GARIN2: variants seen among roughly 807,000 people sequenced by gnomAD.
The protein encoded by GARIN2 is Golgi-associated RAB2 interactor protein 2.
chr14:67,193,000 A>G, the GARIN2 span, among the ~76,000 whole-genome samples: 3 of 145,792 alleles, frequency 2.1e-5, no homozygotes, highest in Non-Finnish European at 3.0e-5. Context: ...ATATATCTCT[A>G]TATATCAATA....
the GARIN2 span, among the ~76,000 whole-genome samples, chr14:67,203,899 A>G: frequency 1.3e-5 from 2 of 152,168 alleles, no homozygotes; most frequent in Non-Finnish European, 2.9e-5. Context: ...TTCAGTAGAG[A>G]CAGAGTTTCA....
chr14:67,213,251 T>G, the GARIN2 span, among the ~76,000 whole-genome samples: 1 of 150,498 alleles, frequency 6.6e-6, no homozygotes, highest in African/African-American at 2.4e-5. Flanking sequence ...GCCATGCTGG[T>G]GTGCTGCACC....
the GARIN2 span, chr14:67,199,551 G>A: frequency 6.2e-7 from 1 of 1,605,564 alleles, no homozygotes; most frequent in African/African-American, 1.3e-5. Context: ...GCCATGAATG[G>A]GCAGTACCTC....
chr14:67,207,761 C>A, the GARIN2 span, among the ~76,000 whole-genome samples: 2 of 152,024 alleles, frequency 1.3e-5, no homozygotes, highest in African/African-American at 4.8e-5. Flanking sequence ...GTTTTAGATA[C>A]AGGTTCTAAG....
chr14:67,210,068 T>C, the GARIN2 span, among the ~76,000 whole-genome samples: 1 of 152,194 alleles, frequency 6.6e-6, no homozygotes, highest in African/African-American at 2.4e-5. Context: ...TAAATGGTTG[T>C]CAATTCAATT....
chr14:67,209,016 A>T, the GARIN2 span, among the ~76,000 whole-genome samples: 1 of 152,214 alleles, frequency 6.6e-6, no homozygotes, highest in South Asian at 2.1e-4. Context: ...AGAGTAAGTT[A>T]TTTTAAAACT....
At chr14:67,200,398 T>A in the GARIN2 span, 1 of 579,638 alleles carries the variant, frequency 1.7e-6, no homozygotes, top group Non-Finnish European at 3.0e-6. Context: ...TCAGAGATGC[T>A]GTAGCTCCTT....
the GARIN2 span, chr14:67,199,517 G>A: frequency 6.2e-7 from 1 of 1,612,538 alleles, no homozygotes; most frequent in Non-Finnish European, 8.5e-7. Context: ...TGCTTCATTT[G>A]ATGCTTCAGT....
chr14:67,219,255 C>T, the GARIN2 span, among the ~76,000 whole-genome samples: 14 of 152,166 alleles, frequency 9.2e-5, no homozygotes, highest in Non-Finnish European at 1.2e-4. Flanking sequence ...GCAATGGGGG[C>T]TGGTGGGGCT....
chr14:67,212,601 AT>A, the GARIN2 span, among the ~76,000 whole-genome samples: 435 of 81,578 alleles, frequency 5.3e-3, 3 homozygotes, highest in African/African-American at 0.02. Flanking sequence ...AAAAAAAAAT[AT>A]ATATATATAT....
the GARIN2 span, chr14:67,198,144 T>C: frequency 6.2e-7 from 1 of 1,600,138 alleles, no homozygotes. Flanking sequence ...AGTTTTTTTA[T>C]GTTTATGTGC....
chr14:67,215,460 A>G, the GARIN2 span, among the ~76,000 whole-genome samples: 1 of 152,004 alleles, frequency 6.6e-6, no homozygotes, highest in Non-Finnish European at 1.5e-5. Context: ...AAACAATGAC[A>G]GAAGGGCAAC....
At chr14:67,204,732 G>A in the GARIN2 span, 48 of 1,613,768 alleles carry the variant, frequency 3.0e-5, 1 homozygote, top group Admixed American at 2.7e-4. Flanking sequence ...CCAAAGTGTC[G>A]GAGGTTTCAA....
the GARIN2 span, among the ~76,000 whole-genome samples, chr14:67,213,661 G>A: frequency 1.3e-5 from 2 of 152,018 alleles, no homozygotes; most frequent in African/African-American, 4.8e-5. Context: ...ATGATTTATA[G>A]TCCTTTGGGT....
the GARIN2 span, among the ~76,000 whole-genome samples, chr14:67,201,157 A>C: frequency 6.6e-6 from 1 of 152,154 alleles, no homozygotes; most frequent in East Asian, 1.9e-4. Context: ...AGCAGGGTGC[A>C]GTGCTGCACA....
chr14:67,207,482 G>C, the GARIN2 span, among the ~76,000 whole-genome samples: 1 of 151,796 alleles, frequency 6.6e-6, no homozygotes, highest in East Asian at 1.9e-4. Context: ...CCTCCCACTA[G>C]GCCCACTTCC....
the GARIN2 span, chr14:67,203,021 C>A: frequency 1.3e-6 from 2 of 1,490,710 alleles, no homozygotes; most frequent in South Asian, 1.3e-5. Flanking sequence ...CTCTCTTACA[C>A]TTCTCAGGCA....
the GARIN2 span, chr14:67,189,837 A>ATTTTTTTT: frequency 1.9e-5 from 2 of 108,096 alleles, no homozygotes; most frequent in Non-Finnish European, 3.6e-5. Flanking sequence ...ATTTTTTTTA[A>ATTTTTTTT]TTTTTTTTTT....
At chr14:67,200,397 C>T in the GARIN2 span, 1 of 581,518 alleles carries the variant, frequency 1.7e-6, no homozygotes, top group East Asian at 3.5e-5. Flanking sequence ...ATCAGAGATG[C>T]TGTAGCTCCT....
Sources: allele counts gnomAD v4.1 joint callset (sites outside exome capture counted in the v4.1 genomes callset), GRCh38; gene constraint gnomAD v4.1.1; transcripts MANE v1.5; gene names NCBI Gene and HGNC (gene_info 2026-07-23, HGNC 2026-07-21).